Variants in DRC10 observed in about 807,000 individuals in gnomAD.
The protein encoded by DRC10 is dynein regulatory complex subunit 10.
At chr12:113,219,991 A>G in the DRC10 span, among the ~76,000 whole-genome samples, 29 of 152,098 alleles carry the variant, frequency 1.9e-4, no homozygotes, top group African/African-American at 7.0e-4. Flanking sequence ...TATTTTTAGT[A>G]GAGACAGGGT....
At chr12:113,220,728 A>G in the DRC10 span, among the ~76,000 whole-genome samples, 3 of 152,192 alleles carry the variant, frequency 2.0e-5, no homozygotes, top group Non-Finnish European at 4.4e-5. Flanking sequence ...TAACTACGAT[A>G]TGACTCTGCT....
chr12:113,216,627 T>C, the DRC10 span, among the ~76,000 whole-genome samples: 1 of 152,126 alleles, frequency 6.6e-6, no homozygotes, highest in Non-Finnish European at 1.5e-5. Flanking sequence ...AGGCTGTGCA[T>C]GTGGGAATAG....
chr12:113,212,636 C>A, the DRC10 span, among the ~76,000 whole-genome samples: 4 of 152,228 alleles, frequency 2.6e-5, no homozygotes, highest in Non-Finnish European at 5.9e-5. Context: ...CTTTAAAGGG[C>A]AAACTTGTTT....
chr12:113,213,005 A>T, the DRC10 span, among the ~76,000 whole-genome samples: 1 of 152,114 alleles, frequency 6.6e-6, no homozygotes, highest in East Asian at 1.9e-4. Context: ...CCTCGTCTTC[A>T]TTCAAACAGG....
chr12:113,217,439 A>C, the DRC10 span, among the ~76,000 whole-genome samples: 1 of 152,296 alleles, frequency 6.6e-6, no homozygotes, highest in East Asian at 1.9e-4. Context: ...TTGCCACATC[A>C]CTACAATCCA....
At chr12:113,200,137 A>G in the DRC10 span, 3 of 337,364 alleles carry the variant, frequency 8.9e-6, no homozygotes, top group African/African-American at 6.5e-5. Flanking sequence ...ATTAAGACCA[A>G]TGTTAGCATT....
chr12:113,217,191 C>T, the DRC10 span, among the ~76,000 whole-genome samples: 1 of 152,206 alleles, frequency 6.6e-6, no homozygotes, highest in African/African-American at 2.4e-5. Flanking sequence ...GGAATAATTT[C>T]TCCCTAGATT....
chr12:113,205,556 C>T, the DRC10 span, among the ~76,000 whole-genome samples: 10 of 152,050 alleles, frequency 6.6e-5, no homozygotes, highest in Admixed American at 3.3e-4. Flanking sequence ...AAAATTTACT[C>T]GAAGACCTGT....
the DRC10 span, among the ~76,000 whole-genome samples, chr12:113,213,444 G>A: frequency 6.6e-6 from 1 of 152,144 alleles, no homozygotes; most frequent in Non-Finnish European, 1.5e-5. Context: ...GTAAGTTCTT[G>A]AGAACTTACT....
the DRC10 span, among the ~76,000 whole-genome samples, chr12:113,204,656 C>T: frequency 0.016 from 2,406 of 152,298 alleles, 87 homozygotes; most frequent in East Asian, 0.15. Context: ...TGCGGTGGCT[C>T]ACACATGTAA....
At chr12:113,214,110 T>C in the DRC10 span, among the ~76,000 whole-genome samples, 1 of 152,088 alleles carries the variant, frequency 6.6e-6, no homozygotes. Context: ...ATCTGAGGCT[T>C]TCAAGTCTAG....
At chr12:113,195,477 T>C in the DRC10 span, 1 of 1,445,596 alleles carries the variant, frequency 6.9e-7, no homozygotes, top group Non-Finnish European at 9.1e-7. Flanking sequence ...ATTTATTAAA[T>C]AAAAACATGA....
At chr12:113,208,121 C>T in the DRC10 span, 1 of 1,614,148 alleles carries the variant, frequency 6.2e-7, no homozygotes, top group Non-Finnish European at 8.5e-7. Context: ...CTGTTGATGG[C>T]AGGGGCCTGA....
At chr12:113,197,190 C>A in the DRC10 span, among the ~76,000 whole-genome samples, 5 of 119,952 alleles carry the variant, frequency 4.2e-5, no homozygotes, top group African/African-American at 9.2e-5. Context: ...TAGCCAGTCG[C>A]TTTTTTTTTT....
the DRC10 span, among the ~76,000 whole-genome samples, chr12:113,218,214 G>A: frequency 6.7e-6 from 1 of 150,112 alleles, no homozygotes; most frequent in Non-Finnish European, 1.5e-5. Context: ...TCGGCTCACT[G>A]CAACCTCTGC....
chr12:113,204,704 G>C, the DRC10 span, among the ~76,000 whole-genome samples: 3 of 152,064 alleles, frequency 2.0e-5, no homozygotes, highest in Admixed American at 6.5e-5. Flanking sequence ...GAGGTGGGAG[G>C]ATCACTTGAG....
At chr12:113,207,902 TCATGACGTCCTCCCCCAG>T in the DRC10 span, 2 of 1,614,206 alleles carry the variant, frequency 1.2e-6, no homozygotes, top group Non-Finnish European at 1.7e-6. Context: ...CTCACTGCCC[TCATGACGTCCTCCCCCAG>T]CATCCCCTCC....
chr12:113,204,427 C>T, the DRC10 span, among the ~76,000 whole-genome samples: 1 of 152,258 alleles, frequency 6.6e-6, no homozygotes, highest in South Asian at 2.1e-4. Flanking sequence ...CCACCTGGAA[C>T]AGGGGTTGGC....
chr12:113,219,922 C>T, the DRC10 span, among the ~76,000 whole-genome samples: 4 of 152,182 alleles, frequency 2.6e-5, no homozygotes, highest in Admixed American at 2.6e-4. Flanking sequence ...AATTCTCCCG[C>T]TCAGCCTCCT....
Sources: gnomAD v4.1 joint callset for allele counts (sites outside exome capture counted in the v4.1 genomes callset) on GRCh38, gnomAD v4.1.1 for gene constraint, MANE v1.5 for transcripts, NCBI Gene and HGNC (gene_info 2026-07-23, HGNC 2026-07-21) for gene names.